KCNU1: variants seen among roughly 807,000 people sequenced by gnomAD.
KCNU1 encodes potassium calcium-activated channel subfamily U member 1.
Under a neutral mutation model 126.8 loss-of-function variants are expected in KCNU1, and 93 were observed. That is an observed-to-expected ratio of 0.73 (90% CI 0.62 to 0.87). The LOEUF (loss-of-function observed/expected upper bound fraction) is 0.87, where lower values mean the gene tolerates loss of function less well. KCNU1 is among the 40% of genes least tolerant of loss of function. The pLI is 0.00. For missense variants in KCNU1, 1,330 were observed against 1,367.1 expected, an observed-to-expected ratio of 0.97 and a Z score of 0.43; for synonymous variants, 523 against 494.2, an observed-to-expected ratio of 1.06 and a Z score of -0.77.
At chr8:36,865,026 G>C (rs1010306386) in intron 19 of KCNU1, among the ~76,000 whole-genome samples, 3 of 152,064 alleles carry the variant, frequency 2.0e-5, no homozygotes, top group African/African-American at 7.2e-5. Context: ...TTTAATTAGA[G>C]GGGCAATTCA....
chr8:36,923,524 G>C (rs925496767), intron 24 of KCNU1, among the ~76,000 whole-genome samples: 2 of 152,082 alleles, frequency 1.3e-5, no homozygotes, highest in Non-Finnish European at 2.9e-5. Flanking sequence ...CAGTGAGGTG[G>C]GAGTTGTTAG....
intron 19 of KCNU1, among the ~76,000 whole-genome samples, chr8:36,903,847 G>A (rs1807517288): frequency 6.6e-6 from 1 of 152,154 alleles, no homozygotes; most frequent in African/African-American, 2.4e-5. Context: ...TGGCAGGAAG[G>A]AGAAGTGCAA....
chr8:36,869,783 G>A (rs560955108), intron 19 of KCNU1, among the ~76,000 whole-genome samples: 16 of 152,250 alleles, frequency 1.1e-4, no homozygotes, highest in African/African-American at 2.9e-4. Context: ...AGTGAAAAAT[G>A]TTTCATGCTG....
intron 18 of KCNU1, among the ~76,000 whole-genome samples, chr8:36,859,212 G>A (rs950154166): frequency 6.6e-6 from 1 of 152,188 alleles, no homozygotes; most frequent in Non-Finnish European, 1.5e-5. Context: ...AGTTTTAAAT[G>A]TCATGATAAC....
chr8:36,788,826 G>A lies in KCNU1; in HGVS notation c.315+1401G>A, dbSNP rs549997648. On this transcript the variant is annotated intron_variant, in intron 2 of 26. Transcript: ENST00000399881. ...CTCTTCAAATGTTCAAGTCATGTTT[G>A]TGTGAGAAACTTTGGGAATAATATA... is the stretch of plus-strand genomic sequence containing the variant. Among the ~76,000 whole-genome samples, 85 of 152,278 alleles carry A rather than the reference G, an allele frequency of 5.6e-4. No homozygotes were observed. The Middle Eastern group carries it at 0.014, about 24-fold the overall frequency.
intron 10 of KCNU1, among the ~76,000 whole-genome samples, chr8:36,829,946 A>G (rs1252852817): frequency 6.6e-6 from 1 of 150,798 alleles, no homozygotes; most frequent in Non-Finnish European, 1.5e-5. Context: ...AATTTTGTAT[A>G]TTAGTCTTAT....
At chr8:36,902,857 C>G (rs1807472775) in intron 19 of KCNU1, among the ~76,000 whole-genome samples, 1 of 152,032 alleles carries the variant, frequency 6.6e-6, no homozygotes, top group Non-Finnish European at 1.5e-5. Context: ...TGTTGGAGCA[C>G]ATGGCTTATA....
intron 19 of KCNU1, among the ~76,000 whole-genome samples, chr8:36,868,766 A>G (rs1325182434): frequency 4.6e-5 from 7 of 152,192 alleles, no homozygotes; most frequent in Non-Finnish European, 7.3e-5. Flanking sequence ...ATGAATAAGT[A>G]TACAAACATT....
At chr8:36,917,736 C>T (rs1808172776) in intron 22 of KCNU1, among the ~76,000 whole-genome samples, 1 of 152,098 alleles carries the variant, frequency 6.6e-6, no homozygotes, top group South Asian at 2.1e-4. Flanking sequence ...TTTTGAAACT[C>T]ACCACATGAT....
chr8:36,869,699 G>A (rs1333332369), intron 19 of KCNU1, among the ~76,000 whole-genome samples: 1 of 152,166 alleles, frequency 6.6e-6, no homozygotes, highest in Non-Finnish European at 1.5e-5. Flanking sequence ...TAATTGAAAT[G>A]TTGTGAGGAT....
At chr8:36,869,343 T>C (rs1490989034) in intron 19 of KCNU1, among the ~76,000 whole-genome samples, 1 of 152,140 alleles carries the variant, frequency 6.6e-6, no homozygotes, top group African/African-American at 2.4e-5. Flanking sequence ...TTCTCCCTAT[T>C]GGGTCTGCTT....
rs142068448 is a variant in KCNU1, at chr8:36,883,768, A to T, written c.2009+19247A>T. 1.2e-4 allele frequency among the ~76,000 whole-genome samples: 18 copies of T among 152,242 alleles called. No individual in the cohort carries two copies. The East Asian group carries it at 2.5e-3, about 21-fold the overall frequency. On this transcript the variant is annotated intron_variant, in intron 19 of 26. Transcript: ENST00000399881. ...ATGATGTCACTGCACTCCAGCCTGGATTGCAGAGCCAGACCCTGTCTCAAA... is the reference window on the plus strand; with the variant it reads ...ATGATGTCACTGCACTCCAGCCTGGTTTGCAGAGCCAGACCCTGTCTCAAA...
At chr8:36,873,907 TACA>T (rs939623326) in intron 19 of KCNU1, among the ~76,000 whole-genome samples, 1 of 152,054 alleles carries the variant, frequency 6.6e-6, no homozygotes, top group Middle Eastern at 3.2e-3. Context: ...AGTCATAATT[TACA>T]ACAACAACAA....
chr8:36,856,342 A>C (rs374147362), intron 18 of KCNU1, among the ~76,000 whole-genome samples: 2 of 152,126 alleles, frequency 1.3e-5, no homozygotes, highest in Non-Finnish European at 2.9e-5. Flanking sequence ...TTCATGTCTC[A>C]TGCTTTCCTG....
At chr8:36,828,480 C>T (rs532425138) in intron 10 of KCNU1, among the ~76,000 whole-genome samples, 1 of 152,162 alleles carries the variant, frequency 6.6e-6, no homozygotes, top group South Asian at 2.1e-4. Context: ...GTGCATATTA[C>T]TTTAGACATG....
chr8:36,903,003 T>C (rs1807478933), intron 19 of KCNU1, among the ~76,000 whole-genome samples: 1 of 152,102 alleles, frequency 6.6e-6, no homozygotes, highest in Non-Finnish European at 1.5e-5. Flanking sequence ...ACCCACTAAG[T>C]TTATAGGTAG....
intron 24 of KCNU1, among the ~76,000 whole-genome samples, chr8:36,923,228 A>C (rs1160534354): frequency 6.6e-6 from 1 of 152,070 alleles, no homozygotes; most frequent in Non-Finnish European, 1.5e-5. Context: ...CTGAACACCT[A>C]CTCTGCACAG....
chr8:36,893,415 G>A (rs546818572), intron 19 of KCNU1, among the ~76,000 whole-genome samples: 62 of 151,342 alleles, frequency 4.1e-4, no homozygotes, highest in African/African-American at 1.2e-3. Context: ...AAATGCCTCC[G>A]GAAAAATTCC....
At position 36,935,878 on chromosome 8, in the gene KCNU1, G is replaced by C. The variant is rs201055043; in HGVS notation, c.3408G>C (p.Glu1136Asp). The part of the protein sequence containing the change: ...AKENERKTSD[E>D]VYDEDPFAYS... Reference sequence around the variant, plus strand: ...AAAATGAAAGGAAAACTTCAGATGAGGTTTATGATGAGGATCCCTTTGCAT... The same window carrying C: ...AAAATGAAAGGAAAACTTCAGATGACGTTTATGATGAGGATCCCTTTGCAT... Residue 1136 changes from glutamate to aspartate, a missense_variant, in exon 27 of 27, where the codon GAG becomes GAC. Physicochemically the swap from Glu to Asp is conservative, Grantham distance 45 (BLOSUM62 2). Coordinates refer to ENST00000399881, the MANE Select transcript of KCNU1 (RefSeq NM_001031836.3). 74 of 1,608,606 alleles carry C rather than the reference G, an allele frequency of 4.6e-5. No homozygotes were observed. The African/African-American group carries it at 8.3e-4, about 18-fold the overall frequency.
Sources: allele counts gnomAD v4.1 joint callset (sites outside exome capture counted in the v4.1 genomes callset), GRCh38; gene constraint gnomAD v4.1.1; transcripts MANE v1.5; gene names NCBI Gene and HGNC (gene_info 2026-07-23, HGNC 2026-07-21).